TRPC7: variants seen among roughly 807,000 people sequenced by gnomAD.
TRPC7 encodes short transient receptor potential channel 7.
TRPC7 carries 42 observed loss-of-function variants against 90.1 expected under a neutral mutation model. The ratio of observed to expected loss-of-function variants is 0.47; its 90% CI spans 0.36 to 0.60. TRPC7 has a LOEUF of 0.60. Ranked by LOEUF, TRPC7 falls within the 20% of genes least tolerant of loss-of-function variation. The pLI, the probability that TRPC7 is intolerant of heterozygous loss-of-function variation, is 0.00. For synonymous variants in TRPC7, 451 were observed against 436.3 expected, an observed-to-expected ratio of 1.03 and a Z score of -0.42; for missense variants, 955 against 1,112.3, an observed-to-expected ratio of 0.86 and a Z score of 2.01.
intron 2 of TRPC7, among the ~76,000 whole-genome samples, chr5:136,339,711 A>C (rs966226447): frequency 6.6e-6 from 1 of 152,098 alleles, no homozygotes; most frequent in African/African-American, 2.4e-5. Flanking sequence ...AGCAGTACCC[A>C]TTCTCTAGTC....
At chr5:136,330,216 G>C (rs552676758) in intron 2 of TRPC7, among the ~76,000 whole-genome samples, 2 of 152,202 alleles carry the variant, frequency 1.3e-5, no homozygotes, top group African/African-American at 2.4e-5. Flanking sequence ...GCACCCATTA[G>C]GATGTAAGAA....
intron 5 of TRPC7, among the ~76,000 whole-genome samples, chr5:136,254,935 G>A (rs894029767): frequency 1.3e-5 from 2 of 152,146 alleles, no homozygotes; most frequent in African/African-American, 4.8e-5. Context: ...ACTTTGAGGG[G>A]TTCAAGACTT....
intron 4 of TRPC7, among the ~76,000 whole-genome samples, chr5:136,272,543 C>T (rs566830134): frequency 4.6e-5 from 7 of 152,338 alleles, no homozygotes; most frequent in African/African-American, 1.2e-4. Flanking sequence ...CACCAAGAGT[C>T]ATCTCATGCC....
At position 136,225,368 on chromosome 5, in the gene TRPC7, A is replaced by G. The variant is rs755295696; in HGVS notation, c.2263-14T>C. 7 of 1,610,054 alleles carry G rather than the reference A, an allele frequency of 4.3e-6. No homozygotes were observed. The highest frequency in any genetic ancestry group is 1.7e-5 in the Admixed American group (1 of 59,526). ...GTAGCGAGTCTTCTGGATAAAACAA[A>G]CAAACCCACACACATCACACAGAAA... is the stretch of plus-strand genomic sequence containing the variant. On this transcript the variant is annotated splice_polypyrimidine_tract_variant and intron_variant, in intron 9 of 11. Coordinates refer to ENST00000513104, the MANE Select transcript of TRPC7 (RefSeq NM_020389.3).
At chr5:136,269,858 G>A (rs1366898740) in intron 4 of TRPC7, among the ~76,000 whole-genome samples, 1 of 152,078 alleles carries the variant, frequency 6.6e-6, no homozygotes, top group Non-Finnish European at 1.5e-5. Flanking sequence ...GGTGTTACTG[G>A]GTGCCTGTAA....
intron 2 of TRPC7, among the ~76,000 whole-genome samples, chr5:136,327,938 A>G (rs1190338660): frequency 1.3e-5 from 2 of 152,226 alleles, no homozygotes; most frequent in Non-Finnish European, 2.9e-5. Flanking sequence ...CATTAAAACA[A>G]TTAATAGATG....
chr5:136,276,386 A>G (rs963964443), intron 3 of TRPC7, among the ~76,000 whole-genome samples: 2 of 152,300 alleles, frequency 1.3e-5, no homozygotes, highest in African/African-American at 4.8e-5. Context: ...GCTGATTTTC[A>G]TCTCATTTGC....
chr5:136,337,358 C>T (rs1006944879), intron 2 of TRPC7, among the ~76,000 whole-genome samples: 1 of 152,140 alleles, frequency 6.6e-6, no homozygotes, highest in African/African-American at 2.4e-5. Context: ...AGCTCACTTT[C>T]ATGTTTATGT....
At chr5:136,320,443 C>T (rs1404470119) in intron 2 of TRPC7, among the ~76,000 whole-genome samples, 2 of 152,212 alleles carry the variant, frequency 1.3e-5, no homozygotes, top group Non-Finnish European at 2.9e-5. Context: ...TGGGACTTCT[C>T]TGTACACCCG....
chr5:136,365,312 T>A lies in TRPC7; in HGVS notation c.-58A>T, dbSNP rs1760687925. ...TAGATGACCGGAATCCGGTGTTGAG[T>A]CGCCAGAAGCTGGCTCCCCATGGGT... is the stretch of plus-strand genomic sequence containing the variant. On this transcript the variant is annotated 5_prime_UTR_variant, in exon 1 of 12. Transcript: ENST00000513104. 3 of 1,533,950 alleles carry A rather than the reference T, an allele frequency of 2.0e-6. No homozygotes were observed. In the Admixed American group the frequency reaches 5.9e-5, roughly 30 times the overall value.
chr5:136,284,955 A>G (rs1757662961), intron 3 of TRPC7, among the ~76,000 whole-genome samples: 1 of 152,222 alleles, frequency 6.6e-6, no homozygotes. Flanking sequence ...TGTCTATTTC[A>G]TATGTAAAGC....
intron 2 of TRPC7, among the ~76,000 whole-genome samples, chr5:136,325,055 A>C (rs1277631025): frequency 1.6e-5 from 1 of 61,206 alleles, no homozygotes; most frequent in African/African-American, 6.1e-5. Context: ...TGCTTTTGAC[A>C]TTTAGGATGA....
chr5:136,263,191 T>C (rs1224398580), intron 5 of TRPC7, among the ~76,000 whole-genome samples: 1 of 152,204 alleles, frequency 6.6e-6, no homozygotes, highest in East Asian at 1.9e-4. Context: ...TTGACACTCC[T>C]TGTTGATTAC....
intron 3 of TRPC7, among the ~76,000 whole-genome samples, chr5:136,307,798 G>A (rs1758693571): frequency 1.3e-5 from 2 of 152,334 alleles, no homozygotes; most frequent in South Asian, 2.1e-4. Flanking sequence ...CTTGAGAAAT[G>A]TTGACTTAGC....
At chr5:136,224,352 T>A (rs747468576) in intron 10 of TRPC7, among the ~76,000 whole-genome samples, 13 of 152,176 alleles carry the variant, frequency 8.5e-5, no homozygotes, top group Non-Finnish European at 1.5e-4. Flanking sequence ...CCAAAAGCAA[T>A]GCAAGGATTG....
intron 2 of TRPC7, among the ~76,000 whole-genome samples, chr5:136,331,210 T>G (rs1056742577): frequency 2.6e-5 from 4 of 152,210 alleles, no homozygotes; most frequent in Non-Finnish European, 5.9e-5. Flanking sequence ...TACACAGTGT[T>G]GCAGAATTAA....
chr5:136,234,828 A>C (rs1304989816), intron 7 of TRPC7, among the ~76,000 whole-genome samples: 1 of 152,140 alleles, frequency 6.6e-6, no homozygotes, highest in Non-Finnish European at 1.5e-5. Flanking sequence ...AACTGAATAG[A>C]CTAATTCTGT....
chr5:136,227,015 T>C (rs1755651321), intron 8 of TRPC7, among the ~76,000 whole-genome samples: 1 of 152,218 alleles, frequency 6.6e-6, no homozygotes, highest in African/African-American at 2.4e-5. Context: ...ATATTTCTTA[T>C]TGGTCAGAGT....
chr5:136,231,542 C>T lies in TRPC7; in HGVS notation c.1852G>A (p.Glu618Lys). ...GACCAAAACAAAGTTTTAAAACTTT[C>T]TTCAACCCTGCAAAGAAACAGACGG... ...KYNPAFTTVE[E>K]SFKTLFWSIF... Residue 618 changes from glutamate to lysine, a missense_variant, in exon 8 of 12, where the codon GAA becomes AAA. By Grantham distance (56) the Glu-to-Lys change is moderately conservative (BLOSUM62 1). Around this residue, in one of 4 missense-constraint regions of TRPC7, gnomAD observed 296 missense variants for 422.7 expected, o/e 0.70. Transcript: ENST00000513104. The T allele has an allele frequency of 6.3e-7, 1 of 1,592,204 alleles. No individual in the cohort carries two copies. The highest frequency in any genetic ancestry group is 8.6e-7 in the Non-Finnish European group (1 of 1,164,680).
Sources: gnomAD v4.1 joint callset for allele counts (sites outside exome capture counted in the v4.1 genomes callset) on GRCh38, gnomAD v4.1.1 for gene constraint, gnomAD v4.1.1 regional missense constraint, MANE v1.5 for transcripts, NCBI Gene and HGNC (gene_info 2026-07-23, HGNC 2026-07-21) for gene names.